The following TCF20 variants were observed in gnomAD, a reference collection of about 807,000 sequenced individuals.
The protein encoded by TCF20 is transcription factor 20.
TCF20 carries 3 observed loss-of-function variants against 148.6 expected under a neutral mutation model. The ratio of observed to expected loss-of-function variants is 0.02; its 90% CI spans 0.01 to 0.05. The LOEUF (loss-of-function observed/expected upper bound fraction) is 0.05. TCF20 is among the 10% of genes least tolerant of loss of function. The pLI is 1.00. For synonymous variants in TCF20, 1,049 were observed against 909.5 expected (o/e 1.15, Z -2.76); for missense variants, 2,350 against 2,429.3 (o/e 0.97, Z 0.69).
chr22:42,189,222 C>T (rs1282688783), intron 2 of TCF20, among the ~76,000 whole-genome samples: 1 of 152,164 alleles, frequency 6.6e-6, no homozygotes, highest in Non-Finnish European at 1.5e-5. Flanking sequence ...GAAGGTAAAA[C>T]CGACAGGACT....
chr22:42,281,249 TC>T (rs1483210817), intron 1 of TCF20, among the ~76,000 whole-genome samples: 10 of 152,150 alleles, frequency 6.6e-5, no homozygotes, highest in Admixed American at 6.5e-4. Flanking sequence ...CATCTGGGAA[TC>T]CCAGCACAAG....
intron 1 of TCF20, among the ~76,000 whole-genome samples, chr22:42,216,252 T>C (rs1198914327): frequency 6.6e-6 from 1 of 152,016 alleles, no homozygotes; most frequent in East Asian, 1.9e-4. Flanking sequence ...ACTACTTTCA[T>C]TTCTCTGCTT....
Position 42,311,256 on chromosome 22 carries a change from G to A in TCF20, c.-37+32223C>T, listed in dbSNP as rs75784404. ...GGGACCTGCAGTCAGGGAGGCAGAA[G>A]GGGGCTGCCTAAGTGCTTCATCTCC... On this transcript the variant is annotated intron_variant, in intron 1 of 1. Transcript: ENST00000515426. Among the ~76,000 whole-genome samples, 426 of 152,374 alleles carry A rather than the reference G, an allele frequency of 2.8e-3. 11 individuals carry two copies. The East Asian group carries it at 0.067, about 24-fold the overall frequency.
intron 2 of TCF20, among the ~76,000 whole-genome samples, chr22:42,205,554 C>T (rs1938327892): frequency 6.6e-6 from 1 of 152,198 alleles, no homozygotes; most frequent in South Asian, 2.1e-4. Flanking sequence ...AAACTGAATG[C>T]ATCTATCTGC....
chr22:42,249,456 T>C (rs1925185708), intron 1 of TCF20, among the ~76,000 whole-genome samples: 1 of 152,240 alleles, frequency 6.6e-6, no homozygotes, highest in South Asian at 2.1e-4. Context: ...TACTTTATTC[T>C]TTACAGCACA....
chr22:42,203,037 CA>C (rs1938144324), intron 2 of TCF20, among the ~76,000 whole-genome samples: 1 of 152,188 alleles, frequency 6.6e-6, no homozygotes, highest in East Asian at 1.9e-4. Flanking sequence ...AACAGATTAG[CA>C]ATAACTAGTT....
chr22:42,169,201 G>A (rs1402791897), intron 4 of TCF20, among the ~76,000 whole-genome samples: 1 of 151,794 alleles, frequency 6.6e-6, no homozygotes, highest in Non-Finnish European at 1.5e-5. Context: ...AGTGGTCTCC[G>A]TTCTGATCCT....
At chr22:42,227,628 A>G (rs1459091986) in intron 1 of TCF20, among the ~76,000 whole-genome samples, 1 of 152,168 alleles carries the variant, frequency 6.6e-6, no homozygotes, top group African/African-American at 2.4e-5. Context: ...CCAGGAGTCT[A>G]CCCCAGAGCT....
In TCF20 at chr22:42,215,317, G is replaced by A. The variant is rs775785693; in HGVS notation, c.-12C>T. 2.5e-6 allele frequency: 4 copies of A among 1,597,744 alleles called. No individual in the cohort carries two copies. Among genetic ancestry groups the A allele is most frequent in the Non-Finnish European group, 3.4e-6 (4 of 1,169,418 alleles). ...CGAAAGGACTGCATACTGTTCAGCA[G>A]CACAGCAGCAGGCCAACAGCCCTCC... On this transcript the variant is annotated 5_prime_UTR_variant, in exon 2 of 6. Coordinates refer to ENST00000677622, the MANE Select transcript of TCF20 (RefSeq NM_001378418.1).
intron 2 of TCF20, among the ~76,000 whole-genome samples, chr22:42,199,993 A>AT (rs1937890729): frequency 6.6e-6 from 1 of 151,942 alleles, no homozygotes; most frequent in Non-Finnish European, 1.5e-5. Context: ...CACAGACCTC[A>AT]TGATTTCCTA....
At chr22:42,326,296 C>G (rs527737273) in intron 1 of TCF20, among the ~76,000 whole-genome samples, 3 of 152,188 alleles carry the variant, frequency 2.0e-5, no homozygotes, top group Non-Finnish European at 2.9e-5. Flanking sequence ...CTCTGCCCCC[C>G]ACAGGAGTTG....
chr22:42,285,135 C>G (rs1927003344), upstream of TCF20, among the ~76,000 whole-genome samples: 1 of 152,246 alleles, frequency 6.6e-6, no homozygotes, highest in African/African-American at 2.4e-5. This position sits in a 1 kb window ranked among gnomAD's most constrained non-coding sequence, Gnocchi z 4.2. Context: ...CCTGCTCTGC[C>G]TACTCCACGG....
intron 1 of TCF20, among the ~76,000 whole-genome samples, chr22:42,324,695 A>AAAAATAAGCTCCACCATCTGAG (rs1569210087): frequency 2.7e-5 from 4 of 146,562 alleles, no homozygotes; most frequent in Non-Finnish European, 4.5e-5. Flanking sequence ...CCATTTGAGA[A>AAAAATAAGCTCCACCATCTGAG]AAAATAATCT....
intron 1 of TCF20, among the ~76,000 whole-genome samples, chr22:42,237,633 G>A (rs565327104): frequency 1.1e-4 from 17 of 152,350 alleles, no homozygotes; most frequent in African/African-American, 4.1e-4. Flanking sequence ...AGCAGCTAGA[G>A]CCTTATGAAA....
At chr22:42,167,090 C>T (rs1935832325) in intron 5 of TCF20, among the ~76,000 whole-genome samples, 1 of 152,186 alleles carries the variant, frequency 6.6e-6, no homozygotes, top group African/African-American at 2.4e-5. Flanking sequence ...ACTCCAAGTC[C>T]AAGAGGCTTC....
At position 42,338,452 on chromosome 22, in the gene TCF20, C is replaced by A. The variant is rs887672478; in HGVS notation, c.-37+5027G>T. ...TGCCCAGGGGGCCTCAGCAGAGCCC[C>A]GTCCCTCCCGGCAGCCCGGCCTGCA... On this transcript the variant is annotated intron_variant, in intron 1 of 1. Coordinates refer to the TCF20 transcript ENST00000515426. The surrounding 1 kb of genome is among the most constrained non-coding windows in gnomAD (Gnocchi z 4.0). Among the ~76,000 whole-genome samples the A allele has an allele frequency of 6.6e-6, 1 of 152,216 alleles. No individual in the cohort carries two copies. The highest frequency in any genetic ancestry group is 1.5e-5 in the Non-Finnish European group (1 of 68,036).
intron 1 of TCF20, among the ~76,000 whole-genome samples, chr22:42,294,549 G>C (rs1433717854): frequency 6.6e-6 from 1 of 152,078 alleles, no homozygotes; most frequent in Non-Finnish European, 1.5e-5. Flanking sequence ...CTCCGGGAGA[G>C]GGCAGGGCCA....
intron 2 of TCF20, among the ~76,000 whole-genome samples, chr22:42,197,735 G>A (rs1349556239): frequency 6.6e-6 from 1 of 152,038 alleles, no homozygotes; most frequent in Non-Finnish European, 1.5e-5. Context: ...ATGAGAAATA[G>A]GTACAGAAAA....
At chr22:42,199,609 C>T (rs1285201760) in intron 2 of TCF20, among the ~76,000 whole-genome samples, 1 of 148,370 alleles carries the variant, frequency 6.7e-6, no homozygotes, top group African/African-American at 2.5e-5. Context: ...GTGGCTCAGG[C>T]CTGTAATCCC....
Sources: gnomAD v4.1 joint callset for allele counts (sites outside exome capture counted in the v4.1 genomes callset) on GRCh38, gnomAD v4.1.1 for gene constraint, Gnocchi (gnomAD v3.1) non-coding constraint, MANE v1.5 for transcripts, NCBI Gene and HGNC (gene_info 2026-07-23, HGNC 2026-07-21) for gene names.